The following RIMBP2 variants were observed in gnomAD, a reference collection of about 807,000 sequenced individuals.
The protein encoded by RIMBP2 is RIMS-binding protein 2.
Under a neutral mutation model 118.6 loss-of-function variants are expected in RIMBP2, and 48 were observed. That is an observed-to-expected ratio of 0.40 (90% CI 0.32 to 0.51). The LOEUF is 0.51. Ranked by LOEUF, RIMBP2 falls within the 20% of genes least tolerant of loss-of-function variation. The pLI is 0.41. For missense variants in RIMBP2, 1,551 were observed against 1,768.3 expected, an observed-to-expected ratio of 0.88 and a Z score of 2.20; for synonymous variants, 762 against 742.9, an observed-to-expected ratio of 1.03 and a Z score of -0.42.
intron 2 of RIMBP2, among the ~76,000 whole-genome samples, chr12:130,538,390 C>T (rs1226985563): frequency 6.6e-6 from 1 of 152,000 alleles, no homozygotes; most frequent in African/African-American, 2.4e-5. Context: ...GTCCTCACTG[C>T]CCTTACTCAT....
chr12:130,433,075 GC>G (rs138305277), intron 14 of RIMBP2, among the ~76,000 whole-genome samples: 5,649 of 152,228 alleles, frequency 0.037, 398 homozygotes, highest in African/African-American at 0.13. Flanking sequence ...AGAACAACAG[GC>G]GCTATGGGAC....
In RIMBP2 at chr12:130,434,946, G is replaced by T; in HGVS notation, c.2107-66C>A. ...CCTTCAGCTACGCTCAGCCCCACCT[G>T]CATTCACCAAACCTTCAGCCCCTCA... On this transcript the variant is annotated intron_variant, in intron 13 of 22. Transcript: ENST00000690449. The surrounding 1 kb of genome is among the most constrained non-coding windows in gnomAD (Gnocchi z 5.7). The T allele has an allele frequency of 1.3e-6, 2 of 1,503,894 alleles. No homozygotes were observed. 93.2% of individuals were successfully genotyped at this position (1,503,894 alleles called of 1,614,324 possible).
chr12:130,662,167 C>G (rs1392539001), intron 1 of RIMBP2, among the ~76,000 whole-genome samples: 2 of 152,352 alleles, frequency 1.3e-5, no homozygotes, highest in South Asian at 2.1e-4. Flanking sequence ...CAACAAATTC[C>G]CTAAATTTCA....
At chr12:130,609,370 A>C (rs367853199) in intron 2 of RIMBP2, among the ~76,000 whole-genome samples, 3 of 152,208 alleles carry the variant, frequency 2.0e-5, no homozygotes, top group East Asian at 3.9e-4. Context: ...CCATTTTAAA[A>C]AAAAATGAAA....
At chr12:130,504,394 T>C (rs1457821734) in intron 4 of RIMBP2, among the ~76,000 whole-genome samples, 1 of 152,128 alleles carries the variant, frequency 6.6e-6, no homozygotes, top group Non-Finnish European at 1.5e-5. Context: ...GCAAATCAGG[T>C]TGATTGAAAC....
intron 1 of RIMBP2, among the ~76,000 whole-genome samples, chr12:130,706,747 G>A (rs181814247): frequency 6.6e-6 from 1 of 152,326 alleles, no homozygotes; most frequent in African/African-American, 2.4e-5. Flanking sequence ...CCTGGGGTAC[G>A]GTGAGGATTC....
At chr12:130,429,375 A>T (rs2077012082) in intron 14 of RIMBP2, 1 of 152,190 alleles carries the variant, frequency 6.6e-6, no homozygotes, top group Non-Finnish European at 1.5e-5. Flanking sequence ...GGAGACAGCG[A>T]CAGCCCTGGT....
At chr12:130,676,494 G>A (rs1046252292) in intron 1 of RIMBP2, among the ~76,000 whole-genome samples, 35 of 151,752 alleles carry the variant, frequency 2.3e-4, no homozygotes, top group African/African-American at 8.2e-4. Flanking sequence ...GTGGTGGTAT[G>A]TGCCTGTAGT....
chr12:130,563,712 C>T (rs1026018394), intron 2 of RIMBP2, among the ~76,000 whole-genome samples: 6 of 152,168 alleles, frequency 3.9e-5, no homozygotes, highest in African/African-American at 1.2e-4. Flanking sequence ...GTCAAGTCAT[C>T]CCAAATGTAC....
chr12:130,524,599 T>C (rs1221324959), intron 2 of RIMBP2, among the ~76,000 whole-genome samples: 1 of 152,146 alleles, frequency 6.6e-6, no homozygotes, highest in Admixed American at 6.5e-5. Flanking sequence ...TTATTTAGAA[T>C]GAAATGCAGA....
At chr12:130,484,584 A>G (rs1264858771) in intron 4 of RIMBP2, among the ~76,000 whole-genome samples, 1 of 152,170 alleles carries the variant, frequency 6.6e-6, no homozygotes, top group African/African-American at 2.4e-5. Context: ...CCCTGTCCCC[A>G]CAATGGGTCA....
At chr12:130,492,483 T>C (rs746623064) in intron 4 of RIMBP2, among the ~76,000 whole-genome samples, 8 of 152,158 alleles carry the variant, frequency 5.3e-5, no homozygotes, top group Non-Finnish European at 1.0e-4. Context: ...TGAGTGTTGA[T>C]TGGTCTTTGA....
intron 17 of RIMBP2, among the ~76,000 whole-genome samples, chr12:130,418,011 C>T (rs1036913603): frequency 6.6e-6 from 1 of 152,104 alleles, no homozygotes; most frequent in Non-Finnish European, 1.5e-5. Flanking sequence ...GCTTCTGTCC[C>T]AGCACGAGGA....
intron 2 of RIMBP2, among the ~76,000 whole-genome samples, chr12:130,590,620 C>T (rs1247715155): frequency 1.3e-5 from 2 of 152,206 alleles, no homozygotes. Context: ...AGAGGGTTTA[C>T]ATCTGCACTA....
intron 2 of RIMBP2, among the ~76,000 whole-genome samples, chr12:130,535,618 G>GCT (rs1011800198): frequency 1.5e-4 from 23 of 150,428 alleles, no homozygotes; most frequent in Admixed American, 1.3e-3. Context: ...GTAAAACACA[G>GCT]CTCTCTCTAT....
Position 130,446,520 on chromosome 12 carries a change from T to C in RIMBP2, c.582-1251A>G, listed in dbSNP as rs1674343729. Reference sequence around the variant, plus strand: ...GTCACGTGGCCCCTCATGGTCAGGGTGCAGAGGTCCAGGAACCCAATCCAA... The same window carrying C: ...GTCACGTGGCCCCTCATGGTCAGGGCGCAGAGGTCCAGGAACCCAATCCAA... On this transcript the variant is annotated intron_variant, in intron 9 of 22. Transcript: ENST00000690449. The surrounding 1 kb of genome is among the most constrained non-coding windows in gnomAD (Gnocchi z 4.1). Among the ~76,000 whole-genome samples the C allele has an allele frequency of 6.6e-6, 1 of 152,066 alleles. No individual in the cohort carries two copies. The highest frequency in any genetic ancestry group is 2.4e-5 in the African/African-American group (1 of 41,392).
chr12:130,404,454 C>T (rs1048414612), intron 21 of RIMBP2, among the ~76,000 whole-genome samples: 15 of 152,202 alleles, frequency 9.9e-5, no homozygotes, highest in East Asian at 3.9e-4. Context: ...CATGCCACCA[C>T]GCCCGGCTAA....
intron 4 of RIMBP2, among the ~76,000 whole-genome samples, chr12:130,496,596 T>G (rs1050582632): frequency 1.3e-5 from 2 of 152,080 alleles, no homozygotes; most frequent in African/African-American, 4.8e-5. Context: ...TGATACCTCA[T>G]GAAAGGCCAC....
intron 1 of RIMBP2, among the ~76,000 whole-genome samples, chr12:130,713,443 C>T (rs4519131): frequency 0.28 from 42,573 of 151,312 alleles, 7,180 homozygotes; most frequent in African/African-American, 0.45. Context: ...AAGCCTCCTC[C>T]CACACCATAG....
Sources: allele counts gnomAD v4.1 joint callset (sites outside exome capture counted in the v4.1 genomes callset), GRCh38; gene constraint gnomAD v4.1.1; non-coding constraint Gnocchi (gnomAD v3.1); transcripts MANE v1.5; gene names NCBI Gene and HGNC (gene_info 2026-07-23, HGNC 2026-07-21).